The following CNTN4 variants were observed in gnomAD, a reference collection of about 807,000 sequenced individuals.
The protein encoded by CNTN4 is contactin 4.
Under a neutral mutation model 122.5 loss-of-function variants are expected in CNTN4, and 77 were observed. The observed-to-expected ratio is 0.63, with a 90% CI of 0.52 to 0.76. The LOEUF is 0.76. Ranked by LOEUF, CNTN4 falls within the 30% of genes least tolerant of loss-of-function variation. CNTN4 has a pLI of 0.00. For synonymous variants in CNTN4, 512 were observed against 447.0 expected (o/e 1.15, Z -1.83); for missense variants, 1,256 against 1,259.1 (o/e 1.00, Z 0.04).
intron 3 of CNTN4, among the ~76,000 whole-genome samples, chr3:2,514,299 G>A (rs1489194402): frequency 6.6e-6 from 1 of 152,068 alleles, no homozygotes; most frequent in Non-Finnish European, 1.5e-5. Context: ...CCACTGTGAA[G>A]CAAGGAATGC....
intron 3 of CNTN4, among the ~76,000 whole-genome samples, chr3:2,356,724 G>C (rs1360597603): frequency 1.3e-5 from 2 of 152,154 alleles, no homozygotes; most frequent in Admixed American, 1.3e-4. Context: ...CCCTATTCAA[G>C]ATGGAGTTGC....
intron 3 of CNTN4, among the ~76,000 whole-genome samples, chr3:2,464,830 A>T (rs1293340904): frequency 6.6e-6 from 1 of 152,148 alleles, no homozygotes; most frequent in African/African-American, 2.4e-5. Flanking sequence ...TTTTGTGGCA[A>T]CCACATTTAT....
At chr3:2,918,875 G>T (rs560507300) in intron 12 of CNTN4, among the ~76,000 whole-genome samples, 1 of 152,206 alleles carries the variant, frequency 6.6e-6, no homozygotes, top group Non-Finnish European at 1.5e-5. Context: ...AGAAAGAGAT[G>T]TAGTGTTCAG....
At chr3:2,179,063 C>A (rs1169565758) in intron 2 of CNTN4, among the ~76,000 whole-genome samples, 1 of 151,954 alleles carries the variant, frequency 6.6e-6, no homozygotes, top group Non-Finnish European at 1.5e-5. Flanking sequence ...TGCTCATACT[C>A]CGAGGTAATA....
At chr3:2,564,102 C>CA (rs902397547) in intron 3 of CNTN4, among the ~76,000 whole-genome samples, 3 of 151,878 alleles carry the variant, frequency 2.0e-5, no homozygotes, top group Non-Finnish European at 2.9e-5. Flanking sequence ...GTACATATGA[C>CA]AAAAAAATCA....
intron 6 of CNTN4, among the ~76,000 whole-genome samples, chr3:2,794,586 A>G (rs7628425): frequency 0.29 from 43,881 of 152,114 alleles, 6,523 homozygotes; most frequent in Non-Finnish European, 0.32. Context: ...TGTACCTCAA[A>G]TAGGGCATGT....
At chr3:2,627,252 TAGAC>T (rs1198528822) in intron 4 of CNTN4, among the ~76,000 whole-genome samples, 2 of 152,332 alleles carry the variant, frequency 1.3e-5, no homozygotes, top group South Asian at 2.1e-4. Context: ...TGTTTACACA[TAGAC>T]AGTAGTTTTT....
chr3:2,368,372 G>C (rs9813656), intron 3 of CNTN4, among the ~76,000 whole-genome samples: 110,667 of 151,966 alleles, frequency 0.73, 41,260 homozygotes, highest in African/African-American at 0.89. Flanking sequence ...GCTTCTGTTT[G>C]ATCTGTGTTT....
chr3:2,882,056 T>A (rs1396384586), intron 8 of CNTN4, among the ~76,000 whole-genome samples: 2 of 152,128 alleles, frequency 1.3e-5, no homozygotes. Context: ...GAGTCAAGCA[T>A]GTATTGATAA....
At chr3:2,620,462 T>C (rs540727876) in intron 4 of CNTN4, among the ~76,000 whole-genome samples, 9 of 152,184 alleles carry the variant, frequency 5.9e-5, no homozygotes, top group African/African-American at 2.2e-4. Context: ...ATCGTGCCAC[T>C]GTGCTCCAGC....
intron 3 of CNTN4, among the ~76,000 whole-genome samples, chr3:2,437,144 T>TG (rs1045432171): frequency 1.3e-5 from 2 of 152,170 alleles, no homozygotes; most frequent in Non-Finnish European, 2.9e-5. Context: ...CAGTGGATCC[T>TG]GTTCATTGCC....
rs900329656 is a variant in CNTN4 at position 2,783,451 on chromosome 3, C to G, written c.359-36035C>G. On this transcript the variant is annotated intron_variant, in intron 6 of 24. Transcript: ENST00000418658. ...TTCACAGGGTGTCTCTCCTTTATCTCCAGAGGCAGTTCATTGGATTATCAC... is the reference window on the plus strand; with the variant it reads ...TTCACAGGGTGTCTCTCCTTTATCTGCAGAGGCAGTTCATTGGATTATCAC... 4.7e-4 allele frequency among the ~76,000 whole-genome samples: 72 copies of G among 152,252 alleles called. 1 individual carries two copies. Among genetic ancestry groups the G allele is most frequent in the African/African-American group, 1.7e-3 (70 of 41,538 alleles).
At chr3:2,731,492 C>G (rs969762823) in intron 4 of CNTN4, among the ~76,000 whole-genome samples, 2 of 152,216 alleles carry the variant, frequency 1.3e-5, no homozygotes, top group Non-Finnish European at 2.9e-5. Context: ...GCACTAGATC[C>G]TCCAAGCTGT....
chr3:2,705,826 A>T (rs2086675844), intron 4 of CNTN4, among the ~76,000 whole-genome samples: 1 of 105,400 alleles, frequency 9.5e-6, no homozygotes, highest in Non-Finnish European at 1.7e-5. Context: ...AATATATAAT[A>T]AATATATATA....
chr3:2,707,366 G>T lies in CNTN4; in HGVS notation c.56-28849G>T, dbSNP rs77559089. Among the ~76,000 whole-genome samples the T allele has an allele frequency of 1.8e-4, 28 of 151,792 alleles. No individual in the cohort carries two copies. In the East Asian group the frequency reaches 4.8e-3, roughly 26 times the overall value. ...CTACAATTTGGTAAATATCCTTGTGGTTTGTTTTTACTTGAAATTATAGGA... is the reference window on the plus strand; with the variant it reads ...CTACAATTTGGTAAATATCCTTGTGTTTTGTTTTTACTTGAAATTATAGGA... On this transcript the variant is annotated intron_variant, in intron 4 of 24. Transcript: ENST00000418658.
intron 3 of CNTN4, among the ~76,000 whole-genome samples, chr3:2,518,615 A>G (rs1388089467): frequency 6.6e-6 from 1 of 152,168 alleles, no homozygotes; most frequent in Admixed American, 6.6e-5. Flanking sequence ...GTACTCAGGA[A>G]TTTTTAATAG....
chr3:2,791,312 A>G (rs56327479), intron 6 of CNTN4, among the ~76,000 whole-genome samples: 75,934 of 151,604 alleles, frequency 0.5, 19,019 homozygotes, highest in East Asian at 0.62. Context: ...CGGGCTGATC[A>G]CTTGAGCCCA....
intron 7 of CNTN4, among the ~76,000 whole-genome samples, chr3:2,861,652 C>G (rs1181526233): frequency 6.6e-6 from 1 of 152,188 alleles, no homozygotes; most frequent in Non-Finnish European, 1.5e-5. Flanking sequence ...CCTGACTTAA[C>G]TCTAATATCT....
intron 6 of CNTN4, among the ~76,000 whole-genome samples, chr3:2,793,314 A>T (rs1294890300): frequency 6.6e-6 from 1 of 152,044 alleles, no homozygotes. Flanking sequence ...CTTTCTTATT[A>T]ACTTGTAAGA....
Sources: gnomAD v4.1 joint callset for allele counts (sites outside exome capture counted in the v4.1 genomes callset) on GRCh38, gnomAD v4.1.1 for gene constraint, MANE v1.5 for transcripts, NCBI Gene and HGNC (gene_info 2026-07-23, HGNC 2026-07-21) for gene names.